Variants in CCDC28A observed in about 807,000 individuals in gnomAD.
CCDC28A encodes coiled-coil domain containing 28A.
A neutral mutation model predicts 22.1 loss-of-function variants in CCDC28A; 24 were observed. The observed-to-expected ratio is 1.09, with a 90% CI of 0.79 to 1.53. The LOEUF (loss-of-function observed/expected upper bound fraction) is 1.53. Ranked by LOEUF, CCDC28A falls within the 40% of genes most tolerant of loss-of-function variation. The pLI is 0.00. For synonymous variants in CCDC28A, 83 were observed against 74.7 expected (o/e 1.11, Z -0.57); for missense variants, 170 against 210.7 (o/e 0.81, Z 1.20).
At chr6:138,786,736 C>T (rs556454569) in intron 4 of CCDC28A, among the ~76,000 whole-genome samples, 8 of 152,092 alleles carry the variant, frequency 5.3e-5, no homozygotes, top group African/African-American at 1.9e-4. Flanking sequence ...TGCCTCAGCA[C>T]CCCCAAGTAG....
At chr6:138,782,685 A>G (rs1452310958) in intron 3 of CCDC28A, among the ~76,000 whole-genome samples, 1 of 152,190 alleles carries the variant, frequency 6.6e-6, no homozygotes, top group Non-Finnish European at 1.5e-5. Flanking sequence ...CCAGGTTACT[A>G]ATGTTGAAAA....
At chr6:138,785,099 A>G in intron 3 of CCDC28A, 128 bp from the exon 4 acceptor site, 1 of 544,968 alleles carries the variant, frequency 1.8e-6, no homozygotes. Context: ...GAAAATATTA[A>G]TGATTATCTA....
At position 138,776,079 on chromosome 6, in the gene CCDC28A, G is replaced by T; in HGVS notation, c.-42G>T. The T allele has an allele frequency of 1.2e-6, 2 of 1,612,170 alleles. No individual in the cohort carries two copies. The highest frequency in any genetic ancestry group is 2.7e-5 in the African/African-American group (2 of 74,920). ...TATAATTGCTGTATTCCTTATTTAG[G>T]TCTTAAGAAGCTGGCCGTGGTGCAA... On this transcript the variant is annotated splice_region_variant and 5_prime_UTR_variant, in exon 2 of 6. Transcript: ENST00000617445.
chr6:138,785,515 A>C, intron 4 of CCDC28A, 134 bp downstream of exon 4: 1 of 631,156 alleles, frequency 1.6e-6, no homozygotes, highest in Non-Finnish European at 2.7e-6. Context: ...TCGCTGTTGA[A>C]TTGCGGAACA....
intron 1 of CCDC28A, 111 bp from the exon 2 acceptor site, chr6:138,775,968 A>T: frequency 2.3e-6 from 2 of 856,124 alleles, no homozygotes; most frequent in Non-Finnish European, 3.7e-6. Flanking sequence ...ACTTTCTCTT[A>T]TGCCCTCTGG....
intron 3 of CCDC28A, among the ~76,000 whole-genome samples, chr6:138,784,896 G>A (rs1775069967): frequency 6.6e-6 from 1 of 152,088 alleles, no homozygotes; most frequent in Admixed American, 6.5e-5. Context: ...GTTTCACCAT[G>A]TTGGCCAGGA....
intron 3 of CCDC28A, among the ~76,000 whole-genome samples, chr6:138,784,571 G>A (rs1775065395): frequency 6.6e-6 from 1 of 151,914 alleles, no homozygotes; most frequent in Admixed American, 6.6e-5. Context: ...CATGTTGCCA[G>A]GCTGGTCTTG....
rs1775194788 is a variant in CCDC28A at position 138,792,916 on chromosome 6, G to A, written c.*113G>A. ...ACAACAAGGAATTAAAGTAATTAAA[G>A]TGCAAGTTCAATGATCGTTTTCACT... is the stretch of plus-strand genomic sequence containing the variant. On this transcript the variant is annotated 3_prime_UTR_variant, in exon 6 of 6. Coordinates refer to ENST00000617445, the MANE Select transcript of CCDC28A (RefSeq NM_015439.3). The A allele has an allele frequency of 4.3e-6, 3 of 704,286 alleles. No individual in the cohort carries two copies. Among genetic ancestry groups the A allele is most frequent in the Non-Finnish European group, 7.4e-6 (3 of 406,868 alleles). 43.6% of individuals were successfully genotyped at this position (704,286 alleles called of 1,614,324 possible).
At chr6:138,783,148 A>G (rs1775044808) in intron 3 of CCDC28A, among the ~76,000 whole-genome samples, 5 of 152,132 alleles carry the variant, frequency 3.3e-5, no homozygotes, top group Non-Finnish European at 7.3e-5. Flanking sequence ...AAAATATTAC[A>G]TAGTGTTGCT....
chr6:138,788,243 G>A (rs551525858), intron 4 of CCDC28A, 123 bp from the exon 5 acceptor site: 45 of 403,872 alleles, frequency 1.1e-4, no homozygotes, highest in South Asian at 2.4e-4. Context: ...TTATAAGCAC[G>A]GGTCACTGTG....
At chr6:138,779,614 C>T (rs1344959616) in intron 2 of CCDC28A, among the ~76,000 whole-genome samples, 4 of 151,986 alleles carry the variant, frequency 2.6e-5, no homozygotes, top group Non-Finnish European at 4.4e-5. Flanking sequence ...TTTTTATATG[C>T]CTTTGTAGTT....
intron 2 of CCDC28A, among the ~76,000 whole-genome samples, chr6:138,778,929 G>T (rs1162835798): frequency 1.3e-5 from 2 of 152,062 alleles, no homozygotes; most frequent in Non-Finnish European, 2.9e-5. Context: ...CACCACACCA[G>T]GCTAATTTTT....
intron 2 of CCDC28A, 95 bp downstream of exon 2, chr6:138,776,373 C>A: frequency 2.9e-6 from 3 of 1,035,634 alleles, no homozygotes; most frequent in Non-Finnish European, 4.4e-6. Flanking sequence ...CTTGGCTTGA[C>A]TTTTAAAACA....
In CCDC28A at chr6:138,786,268, C is replaced by T. The variant is rs372647112; in HGVS notation, c.477+887C>T. ...CTCTTTAAAACCCCTGTCTTCAAATCTACTCACATTCTGAGATACTGGGGG... is the reference window on the plus strand; with the variant it reads ...CTCTTTAAAACCCCTGTCTTCAAATTTACTCACATTCTGAGATACTGGGGG... On this transcript the variant is annotated intron_variant, in intron 4 of 5. Coordinates refer to ENST00000617445, the MANE Select transcript of CCDC28A (RefSeq NM_015439.3). 1.4e-4 allele frequency among the ~76,000 whole-genome samples: 21 copies of T among 152,306 alleles called. 1 individual carries two copies. The highest frequency in any genetic ancestry group is 3.3e-4 in the Admixed American group (5 of 15,308).
rs372508880 is a variant in CCDC28A, at chr6:138,788,399, T to C, written c.500+11T>C. On this transcript the variant is annotated intron_variant, in intron 5 of 5. Coordinates refer to ENST00000617445, the MANE Select transcript of CCDC28A (RefSeq NM_015439.3). Reference sequence around the variant, plus strand: ...ATTGAATTCTTCCATGTATCCTTTGTCTGCTATCAACAGTGAAAAGTTTAC... The same window carrying C: ...ATTGAATTCTTCCATGTATCCTTTGCCTGCTATCAACAGTGAAAAGTTTAC... The C allele has an allele frequency of 9.1e-5, 113 of 1,246,326 alleles. No individual in the cohort carries two copies. The highest frequency in any genetic ancestry group is 2.1e-4 in the Admixed American group (8 of 38,644). The allele number at this position is 1,246,326 out of a possible 1,614,324, so 77.2% of individuals were successfully genotyped here. A position where few individuals can be genotyped will look rare whatever the true frequency, so the allele number is the denominator to read the frequency against.
intron 1 of CCDC28A, 130 bp from the exon 2 acceptor site, chr6:138,775,949 C>T (rs1774924257): frequency 4.2e-6 from 3 of 709,398 alleles, no homozygotes; most frequent in South Asian, 1.9e-5. Flanking sequence ...TTAAGAGACC[C>T]ATTTTCTAAC....
At chr6:138,784,267 T>C (rs937534504) in intron 3 of CCDC28A, among the ~76,000 whole-genome samples, 2 of 152,164 alleles carry the variant, frequency 1.3e-5, no homozygotes, top group African/African-American at 4.8e-5. Context: ...CATGATGAGA[T>C]GGTGCTGTTT....
At chr6:138,775,002 C>A (rs1299191866) in intron 1 of CCDC28A, among the ~76,000 whole-genome samples, 1 of 152,184 alleles carries the variant, frequency 6.6e-6, no homozygotes, top group African/African-American at 2.4e-5. Context: ...CGCAGTGGCA[C>A]CATCTCGGCT....
chr6:138,784,803 C>G, intron 3 of CCDC28A, among the ~76,000 whole-genome samples: 1 of 151,894 alleles, frequency 6.6e-6, no homozygotes, highest in Non-Finnish European at 1.5e-5. Context: ...AAGCGATTCT[C>G]CTGTCTCAGC....
Sources: gnomAD v4.1 joint callset for allele counts (sites outside exome capture counted in the v4.1 genomes callset) on GRCh38, gnomAD v4.1.1 for gene constraint, MANE v1.5 for transcripts, NCBI Gene and HGNC (gene_info 2026-07-23, HGNC 2026-07-21) for gene names.